Variants in DYNC2H1 observed in about 807,000 individuals in gnomAD.
DYNC2H1 encodes dynein cytoplasmic 2 heavy chain 1, also known as cytoplasmic dynein 2 heavy chain 1.
DYNC2H1 carries 410 observed loss-of-function variants against 570.0 expected under a neutral mutation model. That is an observed-to-expected ratio of 0.72 (90% confidence interval 0.66 to 0.78). DYNC2H1 has a LOEUF of 0.78. Ranked by LOEUF, DYNC2H1 falls within the 30% of genes least tolerant of loss-of-function variation. DYNC2H1 has a pLI of 0.00. For missense variants in DYNC2H1, 4,865 were observed against 5,046.4 expected, an observed-to-expected ratio of 0.96 and a Z score of 1.09; for synonymous variants, 1,688 against 1,677.6, an observed-to-expected ratio of 1.01 and a Z score of -0.15.
intron 86 of DYNC2H1, among the ~76,000 whole-genome samples, 173 bp downstream of exon 86, chr11:103,455,468 A>T (rs561267066): frequency 2.0e-5 from 3 of 152,310 alleles, no homozygotes; most frequent in South Asian, 4.1e-4. Flanking sequence ...TAGCTTAAAA[A>T]GCATTGCTTT....
intron 83 of DYNC2H1, among the ~76,000 whole-genome samples, chr11:103,368,672 A>G (rs1313099156): frequency 6.6e-6 from 1 of 152,194 alleles, no homozygotes; most frequent in Non-Finnish European, 1.5e-5. Context: ...TGCCCAGCCC[A>G]GGTACTGAAG....
chr11:103,294,654 C>G (rs1474779721), intron 75 of DYNC2H1, among the ~76,000 whole-genome samples: 2 of 152,186 alleles, frequency 1.3e-5, no homozygotes, highest in South Asian at 4.1e-4. Flanking sequence ...GCAGCTGGCA[C>G]CATGCTGAGT....
Position 103,177,468 on chromosome 11 carries a change from A to G in DYNC2H1, c.5875-88A>G. On this transcript the variant is annotated intron_variant, in intron 37 of 88. Transcript: ENST00000375735. This position sits in a 1 kb window ranked among gnomAD's most constrained non-coding sequence, Gnocchi z 4.4. ...TGAAGAAATCAAAGGCTTAATTTAC[A>G]CATTAGAACAAGTGTTACAGAATAA... 1 of 1,342,954 alleles carries G rather than the reference A, an allele frequency of 7.4e-7. No individual in the cohort carries two copies. Among genetic ancestry groups the G allele is most frequent in the Non-Finnish European group, 1.0e-6 (1 of 998,140 alleles). 83.2% of individuals were successfully genotyped at this position (1,342,954 alleles called of 1,614,324 possible). A position where few individuals can be genotyped will look rare whatever the true frequency, so the allele number is the denominator to read the frequency against.
rs137853026 is a variant in DYNC2H1, at chr11:103,304,601, A to G, written c.11263A>G (p.Met3755Val). Residue 3755 changes from methionine (M) to valine (V), a missense_variant, in exon 77 of 89, where the codon ATG becomes GTG. Physicochemically the swap from Met to Val is conservative, Grantham distance 21. This residue lies in a region of DYNC2H1 where 2,401 missense variants were observed against 2,454.6 expected (regional missense o/e 0.98). Coordinates refer to ENST00000375735, the MANE Select transcript of DYNC2H1 (RefSeq NM_001377.3). Reference protein sequence around the residue: ...RSGECYHQVAMGQGQADLAIQ... With the variant: ...RSGECYHQVAVGQGQADLAIQ... ...TGTTTTTTTGCTTTTGTAGGTTGCC[A>G]TGGGTCAAGGTCAAGCTGATTTAGC... 376 of 1,609,680 alleles carry G rather than the reference A, an allele frequency of 2.3e-4. No individual in the cohort carries two copies. The African/African-American group carries it at 3.3e-3, about 14-fold the overall frequency.
At chr11:103,377,623 C>T (rs1214154765) in intron 83 of DYNC2H1, among the ~76,000 whole-genome samples, 2 of 151,652 alleles carry the variant, frequency 1.3e-5, no homozygotes, top group South Asian at 2.1e-4. Context: ...CTTTTACATT[C>T]TTATACATTT....
chr11:103,256,182 G>A lies in DYNC2H1; in HGVS notation c.10403G>A (p.Ser3468Asn). The A allele has an allele frequency of 2.5e-6, 4 of 1,609,150 alleles. No individual in the cohort carries two copies. Among genetic ancestry groups the A allele is most frequent in the Non-Finnish European group, 3.4e-6 (4 of 1,177,456 alleles). ...TCTTTGAATCAGACAAAAGCAAGCAGTGCACTTATTCAAGAGTCACTTAAA... is the reference window on the plus strand; with the variant it reads ...TCTTTGAATCAGACAAAAGCAAGCAATGCACTTATTCAAGAGTCACTTAAA... ...IESLNQTKAS[S>N]ALIQESLKES... Residue 3468 changes from serine (S) to asparagine (N), a missense_variant, in exon 68 of 89, where the codon AGT becomes AAT. Coordinates refer to ENST00000375735, the MANE Select transcript of DYNC2H1 (RefSeq NM_001377.3). This position sits in a 1 kb window ranked among gnomAD's most constrained non-coding sequence, Gnocchi z 4.0.
chr11:103,425,222 G>T (rs555172224), intron 84 of DYNC2H1, among the ~76,000 whole-genome samples: 4 of 150,874 alleles, frequency 2.7e-5, no homozygotes, highest in Non-Finnish European at 4.4e-5. Context: ...TACAGGTGGC[G>T]CCACCTGGCC....
intron 70 of DYNC2H1, among the ~76,000 whole-genome samples, chr11:103,271,941 G>A (rs1267192785): frequency 6.6e-6 from 1 of 152,202 alleles, no homozygotes; most frequent in Non-Finnish European, 1.5e-5. Context: ...TGGAGAGGAT[G>A]TGGAGAAATA....
chr11:103,442,583 A>G (rs192029655), intron 85 of DYNC2H1, among the ~76,000 whole-genome samples: 17 of 152,298 alleles, frequency 1.1e-4, no homozygotes, highest in Non-Finnish European at 2.1e-4. Context: ...ATGGTCTACA[A>G]TGATATGCAG....
Position 103,215,858 on chromosome 11 carries a change from G to C in DYNC2H1, c.8832G>C (p.Gln2944His), listed in dbSNP as rs766742356. ...AALQMITVSM[Q>H]DASEQKTELE... ...TTCAAATGATCACAGTGTCAATGCA[G>C]GTAATGTTTAGAGTGACCACAAAAA... The change falls in exon 55 of 89, where the codon CAG (glutamine) becomes CAC (histidine). Residue 2944 changes from glutamine to histidine, a missense_variant and splice_region_variant. Physicochemically the swap from Gln to His is conservative, Grantham distance 24. Coordinates refer to ENST00000375735, the MANE Select transcript of DYNC2H1 (RefSeq NM_001377.3). 1 of 1,612,070 alleles carries C rather than the reference G, an allele frequency of 6.2e-7. No homozygotes were observed. Among genetic ancestry groups the C allele is most frequent in the Non-Finnish European group, 8.5e-7 (1 of 1,179,026 alleles).
At position 103,399,603 on chromosome 11, in the gene DYNC2H1, G is replaced by T. The variant is rs1042236431; in HGVS notation, c.12157-60G>T. On this transcript the variant is annotated intron_variant, in intron 83 of 88. Coordinates refer to ENST00000375735, the MANE Select transcript of DYNC2H1 (RefSeq NM_001377.3). ...AAAAGGTTTAAATAAGTTTCAAAGC[G>T]TTTTATATATCAGTGATCTGTGTTA... The T allele has an allele frequency of 3.3e-6, 4 of 1,204,384 alleles. No individual in the cohort carries two copies. In the African/African-American group the frequency reaches 6.1e-5, roughly 18 times the overall value. The allele number at this position is 1,204,384 out of a possible 1,614,324, so 74.6% of individuals were successfully genotyped here.
chr11:103,185,833 T>A lies in DYNC2H1; in HGVS notation c.6634-409T>A, dbSNP rs1313809413. On this transcript the variant is annotated intron_variant, in intron 41 of 88. Coordinates refer to ENST00000375735, the MANE Select transcript of DYNC2H1 (RefSeq NM_001377.3). The surrounding 1 kb of genome is among the most constrained non-coding windows in gnomAD (Gnocchi z 4.5). ...CTTTATATATGCATAGATAACAGTTTTCAGTATTAAAAAGAAGAATAACAG... is the reference window on the plus strand; with the variant it reads ...CTTTATATATGCATAGATAACAGTTATCAGTATTAAAAAGAAGAATAACAG... 1.3e-5 allele frequency among the ~76,000 whole-genome samples: 2 copies of A among 151,954 alleles called. No homozygotes were observed. The highest frequency in any genetic ancestry group is 2.4e-5 in the African/African-American group (1 of 41,406).
At position 103,324,919 on chromosome 11, in the gene DYNC2H1, A is replaced by G. The variant is rs1485403563; in HGVS notation, c.12039+929A>G. Among the ~76,000 whole-genome samples the G allele has an allele frequency of 6.6e-6, 1 of 152,126 alleles. No homozygotes were observed. The highest frequency in any genetic ancestry group is 2.1e-4 in the South Asian group (1 of 4,826). ...TAATAGCCAGTCTGATGGGCATGAG[A>G]TGGTATCTCATTGTGGTTTTGATTT... is the stretch of plus-strand genomic sequence containing the variant. On this transcript the variant is annotated intron_variant, in intron 82 of 88. Transcript: ENST00000375735. The surrounding 1 kb of genome is among the most constrained non-coding windows in gnomAD (Gnocchi z 5.2).
chr11:103,176,546 T>C, intron 37 of DYNC2H1, 112 bp downstream of exon 37: 2 of 871,754 alleles, frequency 2.3e-6, no homozygotes, highest in Non-Finnish European at 1.6e-6. Context: ...AACTTAGATC[T>C]CACTTGCTCA....
chr11:103,478,083 C>T (rs1330731908), intron 88 of DYNC2H1, among the ~76,000 whole-genome samples: 6 of 151,966 alleles, frequency 3.9e-5, no homozygotes, highest in African/African-American at 1.5e-4. Flanking sequence ...CGAAGACTGA[C>T]AATTTGAACA....
chr11:103,402,638 G>A (rs1942691227), intron 84 of DYNC2H1: 1 of 152,056 alleles, frequency 6.6e-6, no homozygotes, highest in Admixed American at 6.6e-5. Flanking sequence ...ACATAAGCCT[G>A]AATAAGGGCT....
chr11:103,383,743 G>A (rs1023440018), intron 83 of DYNC2H1, among the ~76,000 whole-genome samples: 1 of 151,914 alleles, frequency 6.6e-6, no homozygotes, highest in African/African-American at 2.4e-5. Flanking sequence ...CAAAGTGCTG[G>A]GATTACAGAC....
At position 103,446,870 on chromosome 11, in the gene DYNC2H1, A is replaced by AGGTCTCCTCTT. The variant is rs1318830464; in HGVS notation, c.12457-8316_12457-8315insGGTCTCCTCTT. Among the ~76,000 whole-genome samples the AGGTCTCCTCTT allele has an allele frequency of 3.9e-5, 6 of 152,120 alleles. No homozygotes were observed. The highest frequency in any genetic ancestry group is 8.8e-5 in the Non-Finnish European group (6 of 68,000). The stretch of plus-strand genomic sequence containing the variant: ...TATTCACAAAATAAGTTATAGTTAT[A>AGGTCTCCTCTT]AATTATTATTAATAATTAAGAGGAG... On this transcript the variant is annotated intron_variant, in intron 85 of 88. Coordinates refer to ENST00000375735, the MANE Select transcript of DYNC2H1 (RefSeq NM_001377.3). This position sits in a 1 kb window ranked among gnomAD's most constrained non-coding sequence, Gnocchi z 4.5.
chr11:103,187,982 A>C (rs1413055980), intron 43 of DYNC2H1, among the ~76,000 whole-genome samples: 1 of 151,908 alleles, frequency 6.6e-6, no homozygotes, highest in Non-Finnish European at 1.5e-5. Context: ...TTAACCCATT[A>C]TTCTCCATTT....
Sources: allele counts gnomAD v4.1 joint callset (sites outside exome capture counted in the v4.1 genomes callset), GRCh38; gene constraint gnomAD v4.1.1; regional missense constraint gnomAD v4.1.1; non-coding constraint Gnocchi (gnomAD v3.1); transcripts MANE v1.5; gene names NCBI Gene and HGNC (gene_info 2026-07-23, HGNC 2026-07-21).